The following FIRRM variants were observed in gnomAD, a reference collection of about 807,000 sequenced individuals.
FIRRM encodes FIGNL1-interacting regulator of recombination and mitosis.
At chr1:169,836,264 T>C in the FIRRM span, among the ~76,000 whole-genome samples, 2 of 152,216 alleles carry the variant, frequency 1.3e-5, no homozygotes, top group East Asian at 3.8e-4. Flanking sequence ...TTAAACTGTT[T>C]CTTAGAACTT....
chr1:169,793,920 AAG>A, the FIRRM span: 4 of 391,066 alleles, frequency 1.0e-5, no homozygotes, highest in Non-Finnish European at 1.4e-5. Flanking sequence ...AAAAAAAAAA[AAG>A]AAAGAAAATG....
chr1:169,803,119 T>C, the FIRRM span: 1 of 1,572,834 alleles, frequency 6.4e-7, no homozygotes, highest in Non-Finnish European at 8.7e-7. Context: ...TAATACCTTT[T>C]CAGTGCACAA....
the FIRRM span, chr1:169,850,043 T>C: frequency 1.8e-6 from 1 of 553,286 alleles, no homozygotes. Context: ...AGCATTAGTA[T>C]GACCCAGCAG....
At chr1:169,793,412 G>C in the FIRRM span, 1 of 1,614,152 alleles carries the variant, frequency 6.2e-7, no homozygotes, top group Non-Finnish European at 8.5e-7. Flanking sequence ...TCTCAAGGAG[G>C]GCTGTTTTCC....
chr1:169,804,267 T>C, the FIRRM span: 5 of 1,390,466 alleles, frequency 3.6e-6, no homozygotes, highest in Non-Finnish European at 4.7e-6. Context: ...TTCTGCTTAG[T>C]ATATGGTGAC....
At chr1:169,846,542 A>G in the FIRRM span, among the ~76,000 whole-genome samples, 3 of 152,314 alleles carry the variant, frequency 2.0e-5, no homozygotes, top group Non-Finnish European at 2.9e-5. Flanking sequence ...GATCTTCTGG[A>G]TAATTGACTG....
At chr1:169,824,871 AAGT>A in the FIRRM span, among the ~76,000 whole-genome samples, 1 of 152,268 alleles carries the variant, frequency 6.6e-6, no homozygotes, top group Non-Finnish European at 1.5e-5. Context: ...TCAAGACTTT[AAGT>A]TTATGTCTCC....
At chr1:169,825,839 T>C in the FIRRM span, among the ~76,000 whole-genome samples, 2 of 152,230 alleles carry the variant, frequency 1.3e-5, no homozygotes, top group Non-Finnish European at 2.9e-5. Flanking sequence ...GACAGAGTTT[T>C]CTCATGTATT....
the FIRRM span, chr1:169,849,583 G>A: frequency 6.2e-7 from 1 of 1,613,718 alleles, no homozygotes; most frequent in East Asian, 2.2e-5. Context: ...ATACCTTGGA[G>A]GCGTTTACTC....
the FIRRM span, among the ~76,000 whole-genome samples, chr1:169,808,750 G>A: frequency 2.6e-4 from 39 of 151,892 alleles, no homozygotes; most frequent in Non-Finnish European, 5.1e-4. Flanking sequence ...GATTATAGGC[G>A]CCTGCCACCA....
At chr1:169,834,419 A>T in the FIRRM span, among the ~76,000 whole-genome samples, 2 of 152,206 alleles carry the variant, frequency 1.3e-5, no homozygotes, top group African/African-American at 4.8e-5. Flanking sequence ...TAAGATACAC[A>T]TATGGCATGA....
At chr1:169,830,388 G>C in the FIRRM span, 1 of 1,427,946 alleles carries the variant, frequency 7.0e-7, no homozygotes. Flanking sequence ...TATTAGTAGT[G>C]ACTGACAGTA....
the FIRRM span, among the ~76,000 whole-genome samples, chr1:169,788,156 T>A: frequency 6.6e-6 from 1 of 152,236 alleles, no homozygotes; most frequent in Non-Finnish European, 1.5e-5. Context: ...CATGCAATTC[T>A]ATTGTAAAGG....
At chr1:169,811,246 C>G in the FIRRM span, among the ~76,000 whole-genome samples, 1 of 152,220 alleles carries the variant, frequency 6.6e-6, no homozygotes, top group South Asian at 2.1e-4. Flanking sequence ...CTAATTCCTA[C>G]TTATGTTTAT....
At chr1:169,836,163 C>T in the FIRRM span, among the ~76,000 whole-genome samples, 1 of 151,024 alleles carries the variant, frequency 6.6e-6, no homozygotes, top group East Asian at 1.9e-4. Context: ...AGAAAATACA[C>T]TAATATACTT....
the FIRRM span, chr1:169,795,866 T>G: frequency 2.3e-5 from 23 of 985,466 alleles, no homozygotes; most frequent in Non-Finnish European, 2.8e-5. Context: ...CGCTTGTTGT[T>G]GGCTTTCAAC....
At chr1:169,813,158 T>C in the FIRRM span, among the ~76,000 whole-genome samples, 1 of 152,208 alleles carries the variant, frequency 6.6e-6, no homozygotes, top group African/African-American at 2.4e-5. Context: ...TGGATTATAG[T>C]GTGTATTATA....
the FIRRM span, chr1:169,795,061 C>G: frequency 6.8e-7 from 1 of 1,476,050 alleles, no homozygotes; most frequent in East Asian, 2.5e-5. Flanking sequence ...CCGGTCTGGG[C>G]TTTGGCGGGT....
the FIRRM span, among the ~76,000 whole-genome samples, chr1:169,846,553 C>T: frequency 8.5e-5 from 13 of 152,208 alleles, no homozygotes; most frequent in Admixed American, 5.9e-4. Flanking sequence ...TAATTGACTG[C>T]AGCTTCTTCA....
Sources: gnomAD v4.1 joint callset for allele counts (sites outside exome capture counted in the v4.1 genomes callset) on GRCh38, gnomAD v4.1.1 for gene constraint, MANE v1.5 for transcripts, NCBI Gene and HGNC (gene_info 2026-07-23, HGNC 2026-07-21) for gene names.